The following CHRFAM7A variants were observed in gnomAD, a reference collection of about 807,000 sequenced individuals.
CHRFAM7A encodes CHRNA7 (exons 5-10) and FAM7A (exons A-E) fusion.
In CHRFAM7A, 3 loss-of-function variants were observed where a neutral mutation model predicts 29.2. The ratio of observed to expected loss-of-function variants is 0.10; its 90% CI spans 0.05 to 0.27. CHRFAM7A has a LOEUF of 0.27. Ranked by LOEUF, CHRFAM7A falls within the 10% of genes least tolerant of loss-of-function variation. CHRFAM7A has a pLI of 1.00. For synonymous variants in CHRFAM7A, 7 were observed against 135.4 expected, an observed-to-expected ratio of 0.05 and a Z score of 6.58; for missense variants, 22 against 328.0, an observed-to-expected ratio of 0.07 and a Z score of 7.21.
intron 9 of CHRFAM7A, among the ~76,000 whole-genome samples, chr15:30,363,227 C>T (rs1252482156): frequency 2.1e-5 from 3 of 144,246 alleles, no homozygotes; most frequent in East Asian, 2.0e-4. Context: ...ACTGCAAATT[C>T]GCAAAGAGTG....
At chr15:30,388,890 A>C (rs75401386) in intron 1 of CHRFAM7A, among the ~76,000 whole-genome samples, 36,575 of 129,526 alleles carry the variant, frequency 0.28, 2,336 homozygotes, top group African/African-American at 0.39. Context: ...ATTGTAAATA[A>C]TTTTTCTATT....
chr15:30,372,451 TA>T (rs539274287), intron 6 of CHRFAM7A, 110 bp from the exon 7 acceptor site: 904 of 46,640 alleles, frequency 0.019, no homozygotes, highest in Admixed American at 0.025. Flanking sequence ...TGCAAAGTGC[TA>T]AAAAAAAAAA....
At chr15:30,375,889 G>A (rs1428306742) in intron 5 of CHRFAM7A, among the ~76,000 whole-genome samples, 2 of 7,448 alleles carry the variant, frequency 2.7e-4, no homozygotes, top group Non-Finnish European at 8.8e-4. Context: ...GTTGAGTCGT[G>A]TGGGTGGTAT....
chr15:30,373,532 G>A (rs545954704), intron 5 of CHRFAM7A, among the ~76,000 whole-genome samples: 5 of 132,662 alleles, frequency 3.8e-5, no homozygotes. Context: ...AGGTGTGTGT[G>A]TGTGTGTGTG....
chr15:30,375,616 TGAGTGGTGTGTATGGTGTGTGA>T (rs1460814989), intron 5 of CHRFAM7A, among the ~76,000 whole-genome samples: 4 of 148,016 alleles, frequency 2.7e-5, no homozygotes, highest in African/African-American at 7.5e-5. Context: ...GAGTCGTGTG[TGAGTGGTGTGTATGGTGTGTGA>T]GAGTGGTGTG....
intron 5 of CHRFAM7A, among the ~76,000 whole-genome samples, chr15:30,374,287 A>C (rs903652206): frequency 2.1e-5 from 2 of 97,280 alleles, no homozygotes; most frequent in African/African-American, 8.5e-5. Flanking sequence ...TTACAGAAAG[A>C]GTGCACGCAG....
chr15:30,376,521 C>T (rs1205997536), intron 5 of CHRFAM7A, among the ~76,000 whole-genome samples: 16 of 12,438 alleles, frequency 1.3e-3, no homozygotes, highest in Middle Eastern at 0.01. Flanking sequence ...AGAAGTCAGC[C>T]GCTAGAGAGC....
At chr15:30,375,760 T>C (rs1165500744) in intron 5 of CHRFAM7A, among the ~76,000 whole-genome samples, 5 of 147,490 alleles carry the variant, frequency 3.4e-5, no homozygotes, top group Admixed American at 2.0e-4. Flanking sequence ...GGTGGTATAT[T>C]TGTGTGAGTG....
upstream of CHRFAM7A, chr15:30,393,807 C>G (rs1183478781): frequency 1.2e-5 from 1 of 85,556 alleles, no homozygotes; most frequent in African/African-American, 3.5e-5. Flanking sequence ...TCTGCCCGAC[C>G]GATCTGGTCC....
At chr15:30,382,167 TA>T (rs2058960948) in intron 3 of CHRFAM7A, among the ~76,000 whole-genome samples, 1 of 29,390 alleles carries the variant, frequency 3.4e-5, no homozygotes, top group African/African-American at 9.0e-5. Context: ...ACCTAGATTA[TA>T]ACAAAATGCA....
intron 5 of CHRFAM7A, among the ~76,000 whole-genome samples, chr15:30,373,708 G>A (rs1454996689): frequency 1.9e-5 from 2 of 104,674 alleles, no homozygotes; most frequent in South Asian, 3.7e-4. Context: ...TCTCATGCCC[G>A]TAATCCCAGT....
upstream of CHRFAM7A, chr15:30,393,795 T>A (rs1440987220): frequency 9.2e-5 from 7 of 75,704 alleles, no homozygotes; most frequent in Non-Finnish European, 2.0e-4. Context: ...ACCCAGCACC[T>A]TTCTGCCCGA....
intron 9 of CHRFAM7A, among the ~76,000 whole-genome samples, chr15:30,366,971 GGTGA>G (rs2058791486): frequency 6.7e-6 from 1 of 149,150 alleles, no homozygotes; most frequent in African/African-American, 2.5e-5. Context: ...CACGTCAATA[GGTGA>G]CGAAATACAG....
At chr15:30,375,760 TTG>T (rs1473433127) in intron 5 of CHRFAM7A, among the ~76,000 whole-genome samples, 1 of 147,492 alleles carries the variant, frequency 6.8e-6, no homozygotes, top group South Asian at 2.2e-4. Context: ...GGTGGTATAT[TTG>T]TGTGAGTGGT....
At chr15:30,365,801 CTTTTTTTTTTTTTTTTTTTTTT>C (rs1165285566) in intron 9 of CHRFAM7A, among the ~76,000 whole-genome samples, 20 of 74,256 alleles carry the variant, frequency 2.7e-4, no homozygotes, top group African/African-American at 1.2e-3. Context: ...ACAAGTGAGT[CTTTTTTTTTTTTTTTTTTTTTT>C]TTTTTTTTTT....
intron 1 of CHRFAM7A, among the ~76,000 whole-genome samples, chr15:30,387,410 A>C (rs1595515065): frequency 2.0e-5 from 1 of 50,222 alleles, no homozygotes; most frequent in African/African-American, 6.0e-5. Flanking sequence ...ACCCTGGCTC[A>C]CTGCAACCTC....
chr15:30,367,282 T>G, intron 9 of CHRFAM7A, 136 bp downstream of exon 9: 2 of 1,036,382 alleles, frequency 1.9e-6, no homozygotes, highest in South Asian at 3.1e-5. Flanking sequence ...TGAGACTCCG[T>G]CTCAAAAAAA....
chr15:30,367,135 A>AT lies in CHRFAM7A; in HGVS notation c.720+282_720+283insA, dbSNP rs1258349204. Among the ~76,000 whole-genome samples the AT allele has an allele frequency of 2.3e-3, 352 of 150,692 alleles. 2 individuals are homozygous for AT. Among genetic ancestry groups the AT allele is most frequent in the African/African-American group, 8.2e-3 (338 of 40,970 alleles). On this transcript the variant is annotated intron_variant, in intron 9 of 9. Transcript: ENST00000299847. ...CATCTCTACTAAAAATACAAAAAAA[A>AT]ATTGGCCAGGTGTGGTGGCAGGCGC... is the stretch of plus-strand genomic sequence containing the variant.
intron 5 of CHRFAM7A, among the ~76,000 whole-genome samples, chr15:30,374,564 G>A (rs1365016822): frequency 6.8e-6 from 1 of 146,034 alleles, no homozygotes; most frequent in African/African-American, 2.6e-5. Flanking sequence ...AGAATTTCTA[G>A]AGACAGAAAG....
Sources: allele counts gnomAD v4.1 joint callset (sites outside exome capture counted in the v4.1 genomes callset), GRCh38; gene constraint gnomAD v4.1.1; transcripts MANE v1.5; gene names NCBI Gene and HGNC (gene_info 2026-07-23, HGNC 2026-07-21).